TCF20: variants seen among roughly 807,000 people sequenced by gnomAD.
TCF20 encodes the protein SPRE-binding protein.
TCF20 carries 3 observed loss-of-function variants against 148.6 expected under a neutral mutation model. That is an observed-to-expected ratio of 0.02 (90% CI 0.01 to 0.05). The LOEUF is 0.05. Among genes scored for constraint, TCF20 ranks in the 10% least tolerant of loss-of-function variants. The probability of loss-of-function intolerance (pLI) is 1.00; values close to 1 mark genes in which losing one functional copy is unlikely to be tolerated. For synonymous variants in TCF20, 1,049 were observed against 909.5 expected, an observed-to-expected ratio of 1.15 and a Z score of -2.76; for missense variants, 2,350 against 2,429.3, an observed-to-expected ratio of 0.97 and a Z score of 0.69.
At chr22:42,328,304 CCCTGTGGGGCAT>C (rs1348876222) in intron 1 of TCF20, among the ~76,000 whole-genome samples, 1 of 152,186 alleles carries the variant, frequency 6.6e-6, no homozygotes, top group Non-Finnish European at 1.5e-5. Context: ...AAATGAGCAG[CCCTGTGGGGCAT>C]CCTGTGGGCT....
chr22:42,284,382 C>T (rs1203466425), upstream of TCF20, among the ~76,000 whole-genome samples: 2 of 152,230 alleles, frequency 1.3e-5, no homozygotes, highest in Non-Finnish European at 1.5e-5. Flanking sequence ...CAAGTGTGAC[C>T]GTTCATAGAG....
intron 2 of TCF20, among the ~76,000 whole-genome samples, chr22:42,205,102 A>T (rs1404250775): frequency 6.6e-6 from 1 of 152,192 alleles, no homozygotes; most frequent in African/African-American, 2.4e-5. Context: ...CTCAAAGGTG[A>T]TTTGTACATA....
intron 1 of TCF20, among the ~76,000 whole-genome samples, chr22:42,334,420 C>A (rs1928030603): frequency 6.6e-6 from 1 of 152,174 alleles, no homozygotes; most frequent in African/African-American, 2.4e-5. Context: ...CAACTCAGTC[C>A]CCTGTGCCCT....
At chr22:42,181,770 C>T (rs1261951140) in intron 2 of TCF20, among the ~76,000 whole-genome samples, 1 of 151,772 alleles carries the variant, frequency 6.6e-6, no homozygotes. Flanking sequence ...CTACCACATC[C>T]AGCTTTTTCA....
chr22:42,188,169 C>T (rs1937136187), intron 2 of TCF20, among the ~76,000 whole-genome samples: 2 of 151,716 alleles, frequency 1.3e-5, no homozygotes, highest in African/African-American at 2.4e-5. Context: ...TGGTGCATGG[C>T]TGTAATCCCA....
intron 2 of TCF20, among the ~76,000 whole-genome samples, chr22:42,191,045 A>G (rs1245497908): frequency 1.3e-5 from 2 of 152,166 alleles, no homozygotes; most frequent in Admixed American, 6.5e-5. Flanking sequence ...ACAAAAAACA[A>G]TTTCCCAAAT....
chr22:42,324,100 A>ATGGTGG (rs1371007389), intron 1 of TCF20, among the ~76,000 whole-genome samples: 1 of 8,704 alleles, frequency 1.1e-4, no homozygotes, highest in South Asian at 2.6e-3. Context: ...GATGGAGGTT[A>ATGGTGG]TGGTGGTGGT....
intron 1 of TCF20, among the ~76,000 whole-genome samples, chr22:42,245,843 G>A (rs887822062): frequency 1.3e-5 from 2 of 151,908 alleles, no homozygotes; most frequent in Non-Finnish European, 2.9e-5. Context: ...CCAACTCCTC[G>A]CCTCAAGCAA....
At chr22:42,190,328 G>T (rs1413416206) in intron 2 of TCF20, among the ~76,000 whole-genome samples, 1 of 152,074 alleles carries the variant, frequency 6.6e-6, no homozygotes, top group African/African-American at 2.4e-5. Context: ...GGGTGTGTTG[G>T]CACTCCCTGT....
chr22:42,330,955 C>T (rs1403423132), intron 1 of TCF20, among the ~76,000 whole-genome samples: 1 of 152,208 alleles, frequency 6.6e-6, no homozygotes, highest in Non-Finnish European at 1.5e-5. Context: ...ATCTCATTCC[C>T]CTGGGGCTGC....
chr22:42,260,632 A>T, intron 1 of TCF20, among the ~76,000 whole-genome samples: 1 of 152,054 alleles, frequency 6.6e-6, no homozygotes, highest in East Asian at 1.9e-4. Flanking sequence ...CCACAGATGA[A>T]CATCACCATG....
At chr22:42,274,952 A>G (rs1256434255), upstream of TCF20, 1 of 152,292 alleles carries the variant, frequency 6.6e-6, no homozygotes. Flanking sequence ...GCAGCAGTCT[A>G]ATGAGTTTGG....
chr22:42,323,041 G>A (rs917490567), intron 1 of TCF20, among the ~76,000 whole-genome samples: 1 of 151,654 alleles, frequency 6.6e-6, no homozygotes, highest in African/African-American at 2.4e-5. Context: ...CGAGTAGCTT[G>A]GGTTATAGGC....
rs933915096 is a variant in TCF20, at chr22:42,236,048, G to A, written c.-36-20707C>T. The stretch of plus-strand genomic sequence containing the variant: ...GTCTCTACCAAAAATACAAAAATTA[G>A]CTGGGCATGGTGGCAGGCACCTGTA... On this transcript the variant is annotated intron_variant, in intron 1 of 5. Coordinates refer to ENST00000677622, the MANE Select transcript of TCF20 (RefSeq NM_001378418.1). 2.0e-5 allele frequency among the ~76,000 whole-genome samples: 3 copies of A among 152,032 alleles called. No individual in the cohort carries two copies. In the East Asian group the frequency reaches 5.8e-4, roughly 29 times the overall value.
At chr22:42,176,380 G>A (rs943547829) in intron 3 of TCF20, among the ~76,000 whole-genome samples, 1 of 24,950 alleles carries the variant, frequency 4.0e-5, no homozygotes, top group Non-Finnish European at 1.0e-4. Flanking sequence ...TGGAAGGAAG[G>A]GGGGGGCAGG....
intron 1 of TCF20, among the ~76,000 whole-genome samples, chr22:42,323,903 AGGTGGTGGTGGTGATGGAGGTTATGGT>A (rs1569209669): frequency 5.3e-3 from 89 of 16,864 alleles, no homozygotes; most frequent in East Asian, 0.016. Flanking sequence ...ATGGTGGTGG[AGGTGGTGGTGGTGATGGAGGTTATGGT>A]GGTGGTGGTG....
At chr22:42,187,735 C>A (rs1359969947) in intron 2 of TCF20, among the ~76,000 whole-genome samples, 1 of 152,198 alleles carries the variant, frequency 6.6e-6, no homozygotes, top group Non-Finnish European at 1.5e-5. Context: ...GATTAAAGGA[C>A]TTTTCTCCTT....
At chr22:42,168,398 C>G (rs1468609025) in intron 5 of TCF20, among the ~76,000 whole-genome samples, 1 of 152,178 alleles carries the variant, frequency 6.6e-6, no homozygotes. Context: ...ACCCTGCACC[C>G]CATTGGCAGT....
At chr22:42,219,677 G>A (rs558706843) in intron 1 of TCF20, among the ~76,000 whole-genome samples, 34 of 152,014 alleles carry the variant, frequency 2.2e-4, no homozygotes, top group African/African-American at 7.7e-4. Flanking sequence ...GCAACATGGC[G>A]AAACCCTATC....
Sources: allele counts gnomAD v4.1 joint callset (sites outside exome capture counted in the v4.1 genomes callset), GRCh38; gene constraint gnomAD v4.1.1; transcripts MANE v1.5; gene names NCBI Gene and HGNC (gene_info 2026-07-23, HGNC 2026-07-21).